The following KAZN variants were observed in gnomAD, a reference collection of about 807,000 sequenced individuals.
The protein encoded by KAZN is kazrin, periplakin interacting protein.
A neutral mutation model predicts 87.4 loss-of-function variants in KAZN; 40 were observed. The observed-to-expected ratio is 0.46, with a 90% CI of 0.36 to 0.60. The LOEUF (loss-of-function observed/expected upper bound fraction) is 0.60, where lower values mean the gene tolerates loss of function less well. KAZN is among the 20% of genes least tolerant of loss of function. The pLI, the probability that KAZN is intolerant of heterozygous loss-of-function variation, is 0.00. For synonymous variants in KAZN, 466 were observed against 458.3 expected (o/e 1.02, Z -0.22); for missense variants, 898 against 1,073.9 (o/e 0.84, Z 2.29).
chr1:14,013,006 C>T (rs1235076671), intron 1 of KAZN, among the ~76,000 whole-genome samples: 2 of 152,180 alleles, frequency 1.3e-5, no homozygotes, highest in Non-Finnish European at 2.9e-5. Context: ...CCCTGAGACA[C>T]CTCTTAGCGG....
chr1:15,025,564 G>A (rs1010208342), intron 2 of KAZN, among the ~76,000 whole-genome samples: 8 of 152,214 alleles, frequency 5.3e-5, no homozygotes, highest in Non-Finnish European at 1.5e-5. Context: ...GAGCCTAGTT[G>A]ATTAGTCGTG....
intron 1 of KAZN, among the ~76,000 whole-genome samples, chr1:13,928,328 A>C (rs1293058830): frequency 6.6e-6 from 1 of 152,198 alleles, no homozygotes; most frequent in Non-Finnish European, 1.5e-5. Flanking sequence ...GACATTGATG[A>C]TGACAACTGT....
chr1:14,167,961 A>G (rs1254496107), intron 1 of KAZN, among the ~76,000 whole-genome samples: 1 of 152,130 alleles, frequency 6.6e-6, no homozygotes, highest in African/African-American at 2.4e-5. Flanking sequence ...CTGGAAATTA[A>G]TTGGTTCCAG....
chr1:14,410,346 C>T lies in KAZN; in HGVS notation c.250-188637C>T, dbSNP rs1664207161. On this transcript the variant is annotated intron_variant, in intron 2 of 16. Coordinates refer to the KAZN transcript ENST00000636203. Reference sequence around the variant, plus strand: ...TGAACTCATAGCCTTAAGTGATCCACCCACCTCGGCCTTCCAAAGTGCTAG... The same window carrying T: ...TGAACTCATAGCCTTAAGTGATCCATCCACCTCGGCCTTCCAAAGTGCTAG... Among the ~76,000 whole-genome samples the T allele has an allele frequency of 2.6e-5, 4 of 152,174 alleles. No individual in the cohort carries two copies. In the South Asian group the frequency reaches 8.3e-4, roughly 32 times the overall value.
intron 1 of KAZN, among the ~76,000 whole-genome samples, chr1:14,168,318 G>T (rs1645876008): frequency 6.6e-6 from 1 of 152,208 alleles, no homozygotes; most frequent in Non-Finnish European, 1.5e-5. Context: ...TGTTTGGAAT[G>T]CCCGTGGAAC....
At chr1:14,187,623 T>C (rs1161292737) in intron 2 of KAZN, among the ~76,000 whole-genome samples, 1 of 152,166 alleles carries the variant, frequency 6.6e-6, no homozygotes, top group Non-Finnish European at 1.5e-5. Flanking sequence ...TGTCTGGAGA[T>C]ATTTTCAGTT....
At chr1:14,802,445 G>C (rs1488720129) in intron 1 of KAZN, among the ~76,000 whole-genome samples, 2 of 151,594 alleles carry the variant, frequency 1.3e-5, no homozygotes, top group African/African-American at 2.4e-5. Context: ...TTGCCACCCA[G>C]GGGACACTGG....
chr1:14,819,497 T>A (rs936057517), intron 1 of KAZN, among the ~76,000 whole-genome samples: 1 of 152,018 alleles, frequency 6.6e-6, no homozygotes, highest in Non-Finnish European at 1.5e-5. Context: ...GCCTTACGAA[T>A]AAAAACTGGT....
chr1:14,487,459 A>C (rs1166505867), intron 2 of KAZN, among the ~76,000 whole-genome samples: 7 of 152,180 alleles, frequency 4.6e-5, no homozygotes, highest in African/African-American at 1.7e-4. Flanking sequence ...CCCCAAAGTC[A>C]CCAATGTCAC....
intron 4 of KAZN, among the ~76,000 whole-genome samples, chr1:15,050,722 G>T (rs1674304930): frequency 6.6e-6 from 1 of 152,150 alleles, no homozygotes; most frequent in Non-Finnish European, 1.5e-5. Flanking sequence ...CAGAGTGGTG[G>T]GGGGCCTGCC....
At chr1:14,938,924 C>T (rs1343937915) in intron 1 of KAZN, among the ~76,000 whole-genome samples, 1 of 152,216 alleles carries the variant, frequency 6.6e-6, no homozygotes, top group African/African-American at 2.4e-5. Context: ...GTGTGCAATA[C>T]AATGGATTGC....
intron 1 of KAZN, among the ~76,000 whole-genome samples, chr1:13,909,117 A>G (rs1421812104): frequency 2.0e-5 from 3 of 152,182 alleles, no homozygotes; most frequent in Non-Finnish European, 4.4e-5. Flanking sequence ...ATTTAGGTAT[A>G]AACATTTCTT....
At chr1:14,636,948 G>C (rs1419186533) in intron 1 of KAZN, among the ~76,000 whole-genome samples, 1 of 152,158 alleles carries the variant, frequency 6.6e-6, no homozygotes, top group Non-Finnish European at 1.5e-5. Flanking sequence ...CTGAAGTTCA[G>C]ACATGTCACA....
At chr1:14,141,379 C>T (rs1570849549) in intron 1 of KAZN, among the ~76,000 whole-genome samples, 1 of 151,978 alleles carries the variant, frequency 6.6e-6, no homozygotes, top group East Asian at 1.9e-4. Flanking sequence ...AGGTTCCCGA[C>T]GCCCACCTGT....
intron 1 of KAZN, among the ~76,000 whole-genome samples, chr1:14,785,850 A>C (rs1645495807): frequency 6.6e-6 from 1 of 152,134 alleles, no homozygotes; most frequent in South Asian, 2.1e-4. Flanking sequence ...AATATTAATA[A>C]CAGCACATGG....
chr1:14,265,758 A>C (rs2100664722), intron 2 of KAZN, among the ~76,000 whole-genome samples: 1 of 152,314 alleles, frequency 6.6e-6, no homozygotes, highest in Admixed American at 6.5e-5. Context: ...TCATGGCAAA[A>C]ACAGGTCCAG....
chr1:14,194,795 A>G (rs909715091), intron 2 of KAZN, among the ~76,000 whole-genome samples: 1 of 152,166 alleles, frequency 6.6e-6, no homozygotes, highest in Non-Finnish European at 1.5e-5. Flanking sequence ...GGAGGGGGAC[A>G]TGAGCCACCA....
At position 14,978,910 on chromosome 1, in the gene KAZN, T is replaced by G. The variant is rs1377851539; in HGVS notation, c.418+18035T>G. 2.0e-5 allele frequency among the ~76,000 whole-genome samples: 3 copies of G among 152,038 alleles called. No homozygotes were observed. In the East Asian group the frequency reaches 5.9e-4, roughly 30 times the overall value. ...GAAGAGGGCAGTGGGAGGGAGGTTT[T>G]GGGGTATTTTTTGAGACGGAGTCTT... On this transcript the variant is annotated intron_variant, in intron 2 of 14. Coordinates refer to ENST00000376030, the MANE Select transcript of KAZN (RefSeq NM_201628.3).
chr1:14,949,616 A>G lies in KAZN; in HGVS notation c.227-11068A>G, dbSNP rs1281883039. Reference sequence around the variant, plus strand: ...CCAAGTGATTTTTGTAGCCTCTGCCATGAAGGTGTTACCCAAACCTCCGGC... The same window carrying G: ...CCAAGTGATTTTTGTAGCCTCTGCCGTGAAGGTGTTACCCAAACCTCCGGC... On this transcript the variant is annotated intron_variant, in intron 1 of 14. Transcript: ENST00000376030. The surrounding 1 kb of genome is among the most constrained non-coding windows in gnomAD (Gnocchi z 4.3). 6.6e-6 allele frequency among the ~76,000 whole-genome samples: 1 copy of G among 152,122 alleles called. No individual in the cohort carries two copies. The highest frequency in any genetic ancestry group is 1.9e-4 in the East Asian group (1 of 5,188).
Sources: gnomAD v4.1 joint callset for allele counts (sites outside exome capture counted in the v4.1 genomes callset) on GRCh38, gnomAD v4.1.1 for gene constraint, Gnocchi (gnomAD v3.1) non-coding constraint, MANE v1.5 for transcripts, NCBI Gene and HGNC (gene_info 2026-07-23, HGNC 2026-07-21) for gene names.